The following CSGALNACT2 variants were observed in gnomAD, a reference collection of about 807,000 sequenced individuals.
CSGALNACT2 encodes the protein beta 4 GalNAcT-2.
In CSGALNACT2, 35 loss-of-function variants were observed where a neutral mutation model predicts 55.3. That is an observed-to-expected ratio of 0.63 (90% CI 0.48 to 0.84). The LOEUF (loss-of-function observed/expected upper bound fraction) is 0.84. Ranked by LOEUF, CSGALNACT2 falls within the 40% of genes least tolerant of loss-of-function variation. The pLI, the probability that CSGALNACT2 is intolerant of heterozygous loss-of-function variation, is 0.00. For synonymous variants in CSGALNACT2, 196 were observed against 224.9 expected, an observed-to-expected ratio of 0.87 and a Z score of 1.15; for missense variants, 544 against 657.5, an observed-to-expected ratio of 0.83 and a Z score of 1.89.
chr10:43,171,817 C>G (rs1013520368), intron 6 of CSGALNACT2, among the ~76,000 whole-genome samples: 2 of 152,192 alleles, frequency 1.3e-5, no homozygotes, highest in African/African-American at 2.4e-5. Flanking sequence ...GCTTCAGTCT[C>G]CTCACTTAAA....
At chr10:43,153,074 C>T (rs1399860284) in intron 1 of CSGALNACT2, among the ~76,000 whole-genome samples, 1 of 151,914 alleles carries the variant, frequency 6.6e-6, no homozygotes, top group African/African-American at 2.4e-5. Flanking sequence ...AAAAGACTCC[C>T]TTGGCCAGGC....
chr10:43,170,588 C>G (rs1455251582), intron 6 of CSGALNACT2, among the ~76,000 whole-genome samples: 1 of 152,102 alleles, frequency 6.6e-6, no homozygotes, highest in Admixed American at 6.5e-5. Flanking sequence ...AGTGAATGAG[C>G]AGATAAATAT....
chr10:43,143,538 G>GTGT (rs1564508134), intron 1 of CSGALNACT2, among the ~76,000 whole-genome samples: 17 of 125,868 alleles, frequency 1.4e-4, no homozygotes, highest in Admixed American at 4.8e-4. Context: ...TGTGTGTGTG[G>GTGT]AATCATAATA....
chr10:43,155,819 A>G lies in CSGALNACT2; in HGVS notation c.661+9A>G. The G allele has an allele frequency of 1.9e-6, 3 of 1,598,968 alleles. No individual in the cohort carries two copies. Among genetic ancestry groups the G allele is most frequent in the Admixed American group, 1.7e-5 (1 of 57,916 alleles). On this transcript the variant is annotated intron_variant, in intron 2 of 7. Coordinates refer to ENST00000374466, the MANE Select transcript of CSGALNACT2 (RefSeq NM_018590.5). ...AAATGACTTCGTAGAAGGTAATGTGAAAAATATGTTGGTCAATATTATGTT... is the reference window on the plus strand; with the variant it reads ...AAATGACTTCGTAGAAGGTAATGTGGAAAATATGTTGGTCAATATTATGTT...
intron 6 of CSGALNACT2, among the ~76,000 whole-genome samples, chr10:43,174,204 C>CAA (rs888916623): frequency 7.2e-6 from 1 of 139,396 alleles, no homozygotes; most frequent in South Asian, 2.3e-4. Flanking sequence ...CCCCTCAGCT[C>CAA]AAAAAAAAAA....
At chr10:43,167,244 T>A (rs1243381453) in intron 6 of CSGALNACT2, 146 bp downstream of exon 6, 1 of 599,388 alleles carries the variant, frequency 1.7e-6, no homozygotes, top group Non-Finnish European at 3.0e-6. Flanking sequence ...GTAAGCACAT[T>A]TCCATAGTTC....
At chr10:43,169,566 A>G (rs998387710) in intron 6 of CSGALNACT2, among the ~76,000 whole-genome samples, 5 of 152,244 alleles carry the variant, frequency 3.3e-5, no homozygotes, top group African/African-American at 1.2e-4. Flanking sequence ...AGACAACCCA[A>G]CTGGACACGT....
intron 4 of CSGALNACT2, chr10:43,163,252 C>T: frequency 5.1e-6 from 5 of 974,008 alleles, no homozygotes; most frequent in Non-Finnish European, 6.1e-6. Flanking sequence ...TTCATTCATT[C>T]ATTCAGCAAA....
chr10:43,159,067 T>A (rs2435341), intron 3 of CSGALNACT2, 136 bp downstream of exon 3: 323,046 of 608,314 alleles, frequency 0.53, 89,291 homozygotes, highest in African/African-American at 0.62. Context: ...TTTATTTTTT[T>A]ATATTCTCTC....
chr10:43,158,831 G>A lies in CSGALNACT2; in HGVS notation c.778G>A (p.Val260Met). ...CCGCCCTTTTGGACCTCTCATGAAA[G>A]TGAAGAGTGAGATGATTGACATCAC... The part of the protein sequence containing the change: ...LFRPFGPLMK[V>M]KSEMIDITRS... Residue 260 changes from valine (V) to methionine (M), a missense_variant, in exon 3 of 8, where the codon GTG becomes ATG. Coordinates refer to ENST00000374466, the MANE Select transcript of CSGALNACT2 (RefSeq NM_018590.5). 1 of 1,611,032 alleles carries A rather than the reference G, an allele frequency of 6.2e-7. No homozygotes were observed. Among genetic ancestry groups the A allele is most frequent in the Non-Finnish European group, 8.5e-7 (1 of 1,177,364 alleles).
Position 43,163,897 on chromosome 10 carries a change from T to C in CSGALNACT2, c.1012T>C (p.Ser338Pro), listed in dbSNP as rs1839204540. The C allele has an allele frequency of 2.5e-6, 4 of 1,614,162 alleles. No homozygotes were observed. The highest frequency in any genetic ancestry group is 2.5e-6 in the Non-Finnish European group (3 of 1,179,994). ...TAATTTTCACAATTACACCTTGGTC[T>C]CATTGAATGAAGAATTTAATCGTGG... ...ESNFHNYTLV[S>P]LNEEFNRGRG... Residue 338 changes from serine to proline, a missense_variant, in exon 5 of 8, where the codon TCA becomes CCA. This residue lies in a region of CSGALNACT2 where 374 missense variants were observed against 401.3 expected (regional missense o/e 0.93). Coordinates refer to ENST00000374466, the MANE Select transcript of CSGALNACT2 (RefSeq NM_018590.5).
intron 1 of CSGALNACT2, among the ~76,000 whole-genome samples, chr10:43,148,587 A>G (rs1472516913): frequency 1.3e-5 from 2 of 152,198 alleles, no homozygotes; most frequent in African/African-American, 2.4e-5. Flanking sequence ...TTCTATGAAT[A>G]CAAGTCTTGC....
At chr10:43,162,815 T>C in intron 4 of CSGALNACT2, 1 of 926,732 alleles carries the variant, frequency 1.1e-6, no homozygotes, top group Non-Finnish European at 1.3e-6. Context: ...AGAGTTTGCT[T>C]CTCTAACATG....
intron 1 of CSGALNACT2, among the ~76,000 whole-genome samples, chr10:43,150,573 G>C (rs1429732027): frequency 6.6e-6 from 1 of 152,154 alleles, no homozygotes; most frequent in East Asian, 1.9e-4. Flanking sequence ...AGTTTTCAAA[G>C]AGTAATCTGT....
At chr10:43,163,437 C>A in intron 4 of CSGALNACT2, 1 of 846,524 alleles carries the variant, frequency 1.2e-6, no homozygotes, top group Non-Finnish European at 1.4e-6. Flanking sequence ...AGCTGCTTCT[C>A]AAGTAGTATT....
At position 43,184,568 on chromosome 10, in the gene CSGALNACT2, G is replaced by T. The variant is rs1228029244; in HGVS notation, c.*1026G>T. 1 of 152,196 alleles carries T rather than the reference G, an allele frequency of 6.6e-6. No individual in the cohort carries two copies. Among genetic ancestry groups the T allele is most frequent in the Non-Finnish European group, 1.5e-5 (1 of 68,038 alleles). 9.4% of individuals were successfully genotyped at this position (152,196 alleles called of 1,614,324 possible). ...TCATTGTGGAGAGAAAAAGCAAATGGTATGCCACAAGATCACTCTGATTTG... is the reference window on the plus strand; with the variant it reads ...TCATTGTGGAGAGAAAAAGCAAATGTTATGCCACAAGATCACTCTGATTTG... On this transcript the variant is annotated 3_prime_UTR_variant, in exon 8 of 8. Transcript: ENST00000374466.
At chr10:43,179,004 C>G (rs1407258624) in intron 7 of CSGALNACT2, among the ~76,000 whole-genome samples, 2 of 152,062 alleles carry the variant, frequency 1.3e-5, no homozygotes, top group Non-Finnish European at 2.9e-5. Context: ...TACTGTTGAG[C>G]TACTCTAATG....
chr10:43,163,242 T>C, intron 4 of CSGALNACT2: 1 of 973,672 alleles, frequency 1.0e-6, no homozygotes, highest in Non-Finnish European at 1.2e-6. Flanking sequence ...AGAACTGCTG[T>C]TCATTCATTC....
chr10:43,174,532 C>G (rs1839442636), intron 6 of CSGALNACT2, among the ~76,000 whole-genome samples: 1 of 152,200 alleles, frequency 6.6e-6, no homozygotes, highest in African/African-American at 2.4e-5. Flanking sequence ...ACCCACTGTT[C>G]AGGACGGAAG....
Sources: allele counts gnomAD v4.1 joint callset (sites outside exome capture counted in the v4.1 genomes callset), GRCh38; gene constraint gnomAD v4.1.1; regional missense constraint gnomAD v4.1.1; transcripts MANE v1.5; gene names NCBI Gene and HGNC (gene_info 2026-07-23, HGNC 2026-07-21).